The following NUBPL variants were observed in gnomAD, a reference collection of about 807,000 sequenced individuals.
The protein encoded by NUBPL is NUBP iron-sulfur cluster assembly factor, mitochondrial.
NUBPL carries 31 observed loss-of-function variants against 45.7 expected under a neutral mutation model. That is an observed-to-expected ratio of 0.68 (90% CI 0.51 to 0.92). The LOEUF (loss-of-function observed/expected upper bound fraction) is 0.92, where lower values mean the gene tolerates loss of function less well. Among genes scored for constraint, NUBPL ranks in the 40% least tolerant of loss-of-function variants. The pLI is 0.00. For synonymous variants in NUBPL, 144 were observed against 140.9 expected (o/e 1.02, Z -0.15); for missense variants, 401 against 398.7 (o/e 1.01, Z -0.05).
chr14:31,573,645 G>A (rs2033646144), intron 3 of NUBPL, among the ~76,000 whole-genome samples: 1 of 152,070 alleles, frequency 6.6e-6, no homozygotes, highest in Non-Finnish European at 1.5e-5. Context: ...GCCACTTAAA[G>A]TTTTATAGAC....
intron 6 of NUBPL, among the ~76,000 whole-genome samples, chr14:31,781,590 A>T (rs930747932): frequency 1.3e-5 from 2 of 152,250 alleles, no homozygotes; most frequent in Non-Finnish European, 2.9e-5. Context: ...AACCTCTTGC[A>T]ATCTTACCAG....
chr14:31,847,336 T>TAC (rs1341266898), intron 9 of NUBPL, among the ~76,000 whole-genome samples: 1 of 152,254 alleles, frequency 6.6e-6, no homozygotes, highest in African/African-American at 2.4e-5. Context: ...AATTCTTTGT[T>TAC]AGTCTTTCTG....
At position 31,824,719 on chromosome 14, in the gene NUBPL, T is replaced by C. The variant is rs1595681561; in HGVS notation, c.608-1910T>C. 2.6e-5 allele frequency among the ~76,000 whole-genome samples: 4 copies of C among 152,306 alleles called. No individual in the cohort carries two copies. In the East Asian group the frequency reaches 7.7e-4, roughly 29 times the overall value. On this transcript the variant is annotated intron_variant, in intron 7 of 10. Transcript: ENST00000281081. ...CAAAATATCCCTTCAGGCAATACTGTCTAGTATCATTTGACCTTCACTTGG... is the reference window on the plus strand; with the variant it reads ...CAAAATATCCCTTCAGGCAATACTGCCTAGTATCATTTGACCTTCACTTGG...
At chr14:31,666,941 C>T (rs1173020614) in intron 4 of NUBPL, among the ~76,000 whole-genome samples, 1 of 152,104 alleles carries the variant, frequency 6.6e-6, no homozygotes, top group Non-Finnish European at 1.5e-5. Context: ...TGATGGGCTT[C>T]CCTTTGTAGG....
intron 7 of NUBPL, among the ~76,000 whole-genome samples, chr14:31,788,571 G>T (rs560138809): frequency 6.6e-6 from 1 of 152,304 alleles, no homozygotes; most frequent in South Asian, 2.1e-4. Context: ...CAGGAAGGTG[G>T]TAAAGTGGTT....
chr14:31,855,504 A>T (rs1020983031), intron 10 of NUBPL, among the ~76,000 whole-genome samples: 2 of 152,206 alleles, frequency 1.3e-5, no homozygotes, highest in East Asian at 3.9e-4. Flanking sequence ...TCCTGGTTTC[A>T]TCATCCAAGT....
At chr14:31,709,494 T>C (rs770087785) in intron 6 of NUBPL, among the ~76,000 whole-genome samples, 2 of 152,232 alleles carry the variant, frequency 1.3e-5, no homozygotes, top group African/African-American at 2.4e-5. Flanking sequence ...TCAGCTGTCA[T>C]TCTGTCATTT....
chr14:31,747,267 C>G (rs1056028638), intron 6 of NUBPL, among the ~76,000 whole-genome samples: 1 of 151,404 alleles, frequency 6.6e-6, no homozygotes, highest in African/African-American at 2.4e-5. Flanking sequence ...TCCTGAGTAG[C>G]TGTGACTACA....
At chr14:31,624,147 G>C (rs1432629725) in intron 4 of NUBPL, among the ~76,000 whole-genome samples, 1 of 152,042 alleles carries the variant, frequency 6.6e-6, no homozygotes, top group Non-Finnish European at 1.5e-5. Context: ...TGGAGAGGAG[G>C]AGACCTAATT....
chr14:31,665,929 A>G (rs1348168133), intron 4 of NUBPL, among the ~76,000 whole-genome samples: 1 of 152,018 alleles, frequency 6.6e-6, no homozygotes, highest in Non-Finnish European at 1.5e-5. Flanking sequence ...TTGGGTGCAT[A>G]TATATTTAAG....
chr14:31,668,503 G>A (rs1386997908), intron 4 of NUBPL, among the ~76,000 whole-genome samples: 1 of 152,186 alleles, frequency 6.6e-6, no homozygotes, highest in Non-Finnish European at 1.5e-5. Flanking sequence ...GGCTCTGTAG[G>A]GGTGGGACTC....
At chr14:31,782,103 A>C (rs2039201539) in intron 6 of NUBPL, among the ~76,000 whole-genome samples, 1 of 152,176 alleles carries the variant, frequency 6.6e-6, no homozygotes. Context: ...TTTTCTTATT[A>C]AAAACACACC....
chr14:31,851,132 A>G lies in NUBPL; in HGVS notation c.897+931A>G, dbSNP rs144039312. Among the ~76,000 whole-genome samples, 6 of 152,254 alleles carry G rather than the reference A, an allele frequency of 3.9e-5. No homozygotes were observed. The East Asian group carries it at 1.2e-3, about 29-fold the overall frequency. On this transcript the variant is annotated intron_variant, in intron 10 of 10. Coordinates refer to ENST00000281081, the MANE Select transcript of NUBPL (RefSeq NM_025152.3). Reference sequence around the variant, plus strand: ...ATCATACATATTTTTTCTTTCCTAAATAACACTTGCTATTTAACTTGGAAA... The same window carrying G: ...ATCATACATATTTTTTCTTTCCTAAGTAACACTTGCTATTTAACTTGGAAA...
chr14:31,640,622 A>G (rs984265113), intron 4 of NUBPL, among the ~76,000 whole-genome samples: 1 of 151,696 alleles, frequency 6.6e-6, no homozygotes, highest in East Asian at 1.9e-4. Context: ...CTCAAAAAAA[A>G]AAAAAAAAAA....
At chr14:31,807,616 C>A (rs1383384372) in intron 7 of NUBPL, among the ~76,000 whole-genome samples, 1 of 151,830 alleles carries the variant, frequency 6.6e-6, no homozygotes, top group East Asian at 1.9e-4. Context: ...TGCAGAAGCT[C>A]TTTAGTTTAA....
chr14:31,571,371 A>AC (rs1045122184), intron 3 of NUBPL, among the ~76,000 whole-genome samples: 2 of 150,772 alleles, frequency 1.3e-5, no homozygotes, highest in African/African-American at 4.9e-5. Context: ...TGTAATTCAC[A>AC]CAAAGGCACT....
intron 6 of NUBPL, among the ~76,000 whole-genome samples, chr14:31,735,055 G>T (rs2038135944): frequency 6.6e-6 from 1 of 151,976 alleles, no homozygotes; most frequent in Admixed American, 6.5e-5. Context: ...ACTAGAAGGT[G>T]TTTAGTAGCA....
intron 6 of NUBPL, among the ~76,000 whole-genome samples, chr14:31,677,476 G>A (rs1283274721): frequency 6.6e-6 from 1 of 152,208 alleles, no homozygotes; most frequent in African/African-American, 2.4e-5. Flanking sequence ...AGATATTTGA[G>A]AGGACTTGAG....
At chr14:31,651,789 C>T (rs1210340259) in intron 4 of NUBPL, among the ~76,000 whole-genome samples, 1 of 151,448 alleles carries the variant, frequency 6.6e-6, no homozygotes, top group Non-Finnish European at 1.5e-5. Context: ...GTCCCAGCTA[C>T]TCAGGAGGCT....
Sources: allele counts gnomAD v4.1 joint callset (sites outside exome capture counted in the v4.1 genomes callset), GRCh38; gene constraint gnomAD v4.1.1; transcripts MANE v1.5; gene names NCBI Gene and HGNC (gene_info 2026-07-23, HGNC 2026-07-21).